The following HGF variants were observed in gnomAD, a reference collection of about 807,000 sequenced individuals.
HGF encodes hepatocyte growth factor, also known as fibroblast-derived tumor cytotoxic factor.
A neutral mutation model predicts 111.6 loss-of-function variants in HGF; 39 were observed. The ratio of observed to expected loss-of-function variants is 0.35; its 90% confidence interval spans 0.27 to 0.46. The LOEUF (loss-of-function observed/expected upper bound fraction) is 0.46, where lower values mean the gene tolerates loss of function less well. Among genes scored for constraint, HGF ranks in the 20% least tolerant of loss-of-function variants. HGF has a pLI of 1.00. For missense variants in HGF, 735 were observed against 910.5 expected (o/e 0.81, Z 2.48); for synonymous variants, 285 against 294.8 (o/e 0.97, Z 0.34).
rs182197093 is a variant in HGF, at chr7:81,719,339, C to T, written c.1271+1406G>A. ...TCTTTCATAGTTTTCATATGGCATT[C>T]CCTGTTTGCTTGCATCCCACACTAG... is the stretch of plus-strand genomic sequence containing the variant. On this transcript the variant is annotated intron_variant, in intron 10 of 17. Transcript: ENST00000222390. Among the ~76,000 whole-genome samples, 122 of 152,170 alleles carry T rather than the reference C, an allele frequency of 8.0e-4. 1 individual carries two copies. The East Asian group carries it at 0.023, about 28-fold the overall frequency.
At chr7:81,765,309 TCTC>T (rs1789302355) in intron 1 of HGF, among the ~76,000 whole-genome samples, 3 of 152,222 alleles carry the variant, frequency 2.0e-5, no homozygotes, top group African/African-American at 7.2e-5. Flanking sequence ...TAATTCTAAA[TCTC>T]CTCAATTGTC....
At position 81,706,462 on chromosome 7, in the gene HGF, T is replaced by C. The variant is rs752976909; in HGVS notation, c.1617-35A>G. The C allele has an allele frequency of 6.5e-6, 10 of 1,532,464 alleles. No individual in the cohort carries two copies. The Admixed American group carries it at 1.7e-4, about 26-fold the overall frequency. 94.9% of individuals were successfully genotyped at this position (1,532,464 alleles called of 1,614,324 possible). A position where few individuals can be genotyped will look rare whatever the true frequency, so the allele number is the denominator to read the frequency against. On this transcript the variant is annotated intron_variant, in intron 14 of 17. Coordinates refer to ENST00000222390, the MANE Select transcript of HGF (RefSeq NM_000601.6). ...AGGAAAAAAATTTAAATGTAAAACATAATAATTCCAAATTCTGTAGTATTA... is the reference window on the plus strand; with the variant it reads ...AGGAAAAAAATTTAAATGTAAAACACAATAATTCCAAATTCTGTAGTATTA...
chr7:81,758,547 C>T, intron 3 of HGF, 145 bp downstream of exon 3: 1 of 614,656 alleles, frequency 1.6e-6, no homozygotes, highest in Non-Finnish European at 2.9e-6. Context: ...CTAGTTTCAA[C>T]TGTCTTAATG....
chr7:81,721,725 A>T (rs951325244), intron 9 of HGF, among the ~76,000 whole-genome samples: 1 of 152,212 alleles, frequency 6.6e-6, no homozygotes, highest in Non-Finnish European at 1.5e-5. Flanking sequence ...AGAGCATAAC[A>T]TCTTGTGACA....
intron 7 of HGF, among the ~76,000 whole-genome samples, chr7:81,738,999 C>T (rs190728113): frequency 7.5e-4 from 114 of 152,108 alleles, no homozygotes; most frequent in African/African-American, 2.3e-3. Flanking sequence ...CTTGACTTTC[C>T]GGAGAAGAAT....
chr7:81,716,811 A>G (rs1296107651), intron 11 of HGF, among the ~76,000 whole-genome samples: 2 of 152,166 alleles, frequency 1.3e-5, no homozygotes, highest in Non-Finnish European at 2.9e-5. Flanking sequence ...AAATAGAAGT[A>G]CCACTAGTTC....
chr7:81,742,562 G>GA (rs1311498356), intron 7 of HGF: 6 of 322,618 alleles, frequency 1.9e-5, no homozygotes, highest in South Asian at 1.5e-4. Flanking sequence ...ATATCCAGTT[G>GA]AAAAAAATTA....
At chr7:81,760,135 C>T (rs1788996012) in intron 2 of HGF, among the ~76,000 whole-genome samples, 1 of 152,160 alleles carries the variant, frequency 6.6e-6, no homozygotes, top group African/African-American at 2.4e-5. Flanking sequence ...CCGTAAGTTG[C>T]ATCTTCTTTT....
chr7:81,732,630 C>G (rs184163542), intron 7 of HGF, among the ~76,000 whole-genome samples: 1 of 151,962 alleles, frequency 6.6e-6, no homozygotes, highest in African/African-American at 2.4e-5. Context: ...TGGAAATATA[C>G]CTTATAAAAA....
intron 7 of HGF, among the ~76,000 whole-genome samples, chr7:81,740,008 C>T (rs1397682048): frequency 6.6e-6 from 1 of 152,124 alleles, no homozygotes; most frequent in African/African-American, 2.4e-5. Flanking sequence ...TCTTGAATTA[C>T]CATACTGCTC....
In HGF at chr7:81,701,138, TATG is replaced by T. The variant is rs1463898585; in HGVS notation, c.*1440_*1442del. On this transcript the variant is annotated 3_prime_UTR_variant, in exon 18 of 18. Transcript: ENST00000222390. Reference sequence around the variant, plus strand: ...TAAGCATGACAAATACAATGATAAATATGATAATTTGGCTGTTATACAGAACAC... The same window carrying T: ...TAAGCATGACAAATACAATGATAAATATAATTTGGCTGTTATACAGAACAC... The T allele has an allele frequency of 2.6e-5, 4 of 151,602 alleles. No individual in the cohort carries two copies. Among genetic ancestry groups the T allele is most frequent in the Non-Finnish European group, 5.9e-5 (4 of 67,644 alleles). The allele number at this position is 151,602 out of a possible 1,614,324, so 9.4% of individuals were successfully genotyped here. A position where few individuals can be genotyped will look rare whatever the true frequency, so the allele number is the denominator to read the frequency against.
At chr7:81,768,759 A>G (rs900095773) in intron 1 of HGF, among the ~76,000 whole-genome samples, 2 of 152,286 alleles carry the variant, frequency 1.3e-5, no homozygotes, top group African/African-American at 4.8e-5. Flanking sequence ...ACTTCTTCAG[A>G]AATCTTACCT....
chr7:81,702,517 T>C lies in HGF; in HGVS notation c.*64A>G. On this transcript the variant is annotated 3_prime_UTR_variant, in exon 18 of 18. Transcript: ENST00000222390. ...TGTAAGTGACATTTTAAATTCCACATTCTCTGAAATCTTCATGTAAAAGAC... is the reference window on the plus strand; with the variant it reads ...TGTAAGTGACATTTTAAATTCCACACTCTCTGAAATCTTCATGTAAAAGAC... 7.6e-7 allele frequency: 1 copy of C among 1,308,932 alleles called. No individual in the cohort carries two copies. Among genetic ancestry groups the C allele is most frequent in the Non-Finnish European group, 1.1e-6 (1 of 905,810 alleles). The allele number at this position is 1,308,932 out of a possible 1,614,324, so 81.1% of individuals were successfully genotyped here.
chr7:81,750,479 C>T (rs1583988398), intron 5 of HGF, among the ~76,000 whole-genome samples: 1 of 152,036 alleles, frequency 6.6e-6, no homozygotes. Context: ...GTGATGATCT[C>T]AAATTATTAA....
At chr7:81,756,741 G>C (rs936052634) in intron 4 of HGF, 2 of 183,494 alleles carry the variant, frequency 1.1e-5, no homozygotes, top group African/African-American at 4.8e-5. Context: ...CATCTTCTAA[G>C]TAAGATTCGT....
chr7:81,765,996 T>G (rs1789338076), intron 1 of HGF, among the ~76,000 whole-genome samples: 2 of 152,192 alleles, frequency 1.3e-5, no homozygotes, highest in South Asian at 4.1e-4. Flanking sequence ...AAATTACAAC[T>G]CCTTTTTCCT....
At chr7:81,726,633 T>C (rs1011547782) in intron 8 of HGF, among the ~76,000 whole-genome samples, 18 of 152,138 alleles carry the variant, frequency 1.2e-4, no homozygotes, top group African/African-American at 4.3e-4. Flanking sequence ...TATATATATT[T>C]CTGTAAAATT....
chr7:81,729,404 A>G (rs554193582), intron 8 of HGF, among the ~76,000 whole-genome samples: 1 of 152,310 alleles, frequency 6.6e-6, no homozygotes, highest in Admixed American at 6.5e-5. Context: ...AGGGTCCTTA[A>G]TGAAATGCAT....
intron 5 of HGF, chr7:81,751,730 A>G: frequency 9.6e-7 from 1 of 1,038,916 alleles, no homozygotes; most frequent in Non-Finnish European, 1.2e-6. Flanking sequence ...ATTTCTGTGG[A>G]AGCAGGTGCT....
Sources: gnomAD v4.1 joint callset for allele counts (sites outside exome capture counted in the v4.1 genomes callset) on GRCh38, gnomAD v4.1.1 for gene constraint, MANE v1.5 for transcripts, NCBI Gene and HGNC (gene_info 2026-07-23, HGNC 2026-07-21) for gene names.